Variants in NUP58 observed in about 807,000 individuals in gnomAD.
NUP58 encodes nucleoporin p58/p45.
A neutral mutation model predicts 70.1 loss-of-function variants in NUP58; 17 were observed. The observed-to-expected ratio is 0.24, with a 90% confidence interval of 0.17 to 0.36. The LOEUF (loss-of-function observed/expected upper bound fraction) is 0.36. Among genes scored for constraint, NUP58 ranks in the 10% least tolerant of loss-of-function variants. NUP58 has a pLI of 1.00. For missense variants in NUP58, 644 were observed against 701.5 expected (o/e 0.92, Z 0.93); for synonymous variants, 275 against 257.6 (o/e 1.07, Z -0.65).
At chr13:25,306,949 C>G (rs1161133007) in intron 1 of NUP58, among the ~76,000 whole-genome samples, 1 of 152,024 alleles carries the variant, frequency 6.6e-6, no homozygotes, top group Admixed American at 6.6e-5. Flanking sequence ...AGGAAATGTC[C>G]CCACTAGTTT....
intron 3 of NUP58, among the ~76,000 whole-genome samples, chr13:25,348,731 C>G (rs2032076649): frequency 6.6e-6 from 1 of 152,164 alleles, no homozygotes; most frequent in Admixed American, 6.5e-5. Flanking sequence ...CTTTTTGCCT[C>G]TTATATCAAT....
chr13:25,320,641 G>T, intron 8 of NUP58, 46 bp downstream of exon 8: 1 of 1,373,286 alleles, frequency 7.3e-7, no homozygotes, highest in Admixed American at 1.8e-5. Flanking sequence ...AAGAATTCTA[G>T]AATACTTCTT....
At chr13:25,309,206 C>T in intron 2 of NUP58, 41 bp from the exon 3 acceptor site, 2 of 1,474,014 alleles carry the variant, frequency 1.4e-6, no homozygotes, top group Non-Finnish European at 1.9e-6. Context: ...AGAATGTCAT[C>T]TTCATTGATG....
At chr13:25,314,199 C>T (rs1285672452) in intron 5 of NUP58, among the ~76,000 whole-genome samples, 4 of 151,998 alleles carry the variant, frequency 2.6e-5, no homozygotes, top group African/African-American at 9.7e-5. Flanking sequence ...TCCCAAAGTG[C>T]TGAGATTACA....
intron 3 of NUP58, among the ~76,000 whole-genome samples, chr13:25,347,821 C>T (rs1248050884): frequency 2.0e-5 from 3 of 152,124 alleles, no homozygotes; most frequent in Non-Finnish European, 4.4e-5. Flanking sequence ...AAACAAGGAT[C>T]GATCTAAAGA....
At position 25,340,232 on chromosome 13, in the gene NUP58, T is replaced by A. The variant is rs2031913124; in HGVS notation, c.*98T>A. 2 of 1,158,942 alleles carry A rather than the reference T, an allele frequency of 1.7e-6. No homozygotes were observed. Among genetic ancestry groups the A allele is most frequent in the African/African-American group, 1.6e-5 (1 of 62,194 alleles). The allele number at this position is 1,158,942 out of a possible 1,614,324, so 71.8% of individuals were successfully genotyped here. On this transcript the variant is annotated 3_prime_UTR_variant, in exon 16 of 16. Coordinates refer to ENST00000381736, the MANE Select transcript of NUP58 (RefSeq NM_014089.4). ...GTAATTAAATTGCATCCCAGGAGAT[T>A]TATAAAGTTTTGATATTTTTCCCTA...
At chr13:25,329,325 T>C (rs563172655) in intron 12 of NUP58, among the ~76,000 whole-genome samples, 2 of 152,320 alleles carry the variant, frequency 1.3e-5, no homozygotes, top group African/African-American at 4.8e-5. Context: ...AGATGCTTTT[T>C]TTCCCCCCAC....
chr13:25,306,029 T>G (rs1210184613), intron 1 of NUP58, among the ~76,000 whole-genome samples: 1 of 152,130 alleles, frequency 6.6e-6, no homozygotes, highest in East Asian at 1.9e-4. Context: ...TTAGTTAAAT[T>G]TATAAGTATC....
chr13:25,321,810 C>G (rs755945965), intron 9 of NUP58, among the ~76,000 whole-genome samples: 21 of 151,896 alleles, frequency 1.4e-4, no homozygotes, highest in Non-Finnish European at 2.4e-4. Context: ...CCAGCTATTC[C>G]GGAGGCTGAG....
intron 13 of NUP58, chr13:25,334,289 G>GT (rs745638885): frequency 1.1e-5 from 11 of 985,150 alleles, no homozygotes; most frequent in Admixed American, 6.2e-5. Context: ...TTTAGGATAG[G>GT]TTTTTTAGCA....
chr13:25,321,124 G>C, intron 9 of NUP58, 31 bp downstream of exon 9: 1 of 1,534,974 alleles, frequency 6.5e-7, no homozygotes, highest in Non-Finnish European at 8.7e-7. Context: ...TTTACCGTAG[G>C]GTTTTTTTGT....
rs1294213545 is a variant in NUP58 at position 25,341,712 on chromosome 13, T to G, written c.*1578T>G. ...AAAACCCTTGGAAAGAGAACTGCCT[T>G]AGCCATGATTTCGTTAGTAGACCTA... On this transcript the variant is annotated 3_prime_UTR_variant, in exon 16 of 16. Transcript: ENST00000381736. 6.6e-6 allele frequency: 1 copy of G among 152,616 alleles called. No individual in the cohort carries two copies. The highest frequency in any genetic ancestry group is 1.5e-5 in the Non-Finnish European group (1 of 68,010). The allele number at this position is 152,616 out of a possible 1,614,324, so 9.5% of individuals were successfully genotyped here.
chr13:25,335,880 A>G (rs1479703609), intron 13 of NUP58: 19 of 1,069,808 alleles, frequency 1.8e-5, no homozygotes, highest in Non-Finnish European at 2.2e-5. Context: ...TGAAAAAGAC[A>G]ATACTGAAGA....
intron 2 of NUP58, 27 bp from the exon 3 acceptor site, chr13:25,309,220 A>G: frequency 1.9e-6 from 3 of 1,558,392 alleles, no homozygotes; most frequent in African/African-American, 1.4e-5. Flanking sequence ...ATTGATGATT[A>G]AATTTTATTT....
In NUP58 at chr13:25,301,752, C is replaced by T; in HGVS notation, c.-22C>T. 5.9e-6 allele frequency: 9 copies of T among 1,528,058 alleles called. No individual in the cohort carries two copies. Among genetic ancestry groups the T allele is most frequent in the Non-Finnish European group, 8.1e-6 (9 of 1,115,260 alleles). 94.7% of individuals were successfully genotyped at this position (1,528,058 alleles called of 1,614,324 possible). A position where few individuals can be genotyped will look rare whatever the true frequency, so the allele number is the denominator to read the frequency against. On this transcript the variant is annotated 5_prime_UTR_variant, in exon 1 of 16. The change creates a new upstream start codon in the 5' untranslated region. Transcript: ENST00000381736. ...TCCCAGACCCATTTCGCCTTGCTGA[C>T]GGCGTCGAGCCCTGGCCAGACATGT...
intron 1 of NUP58, among the ~76,000 whole-genome samples, chr13:25,305,154 T>G (rs200566916): frequency 1.2e-4 from 5 of 43,248 alleles, no homozygotes; most frequent in South Asian, 5.4e-4. Flanking sequence ...TTTTTTTTTT[T>G]TTTTTTTGAG....
chr13:25,306,313 G>T lies in NUP58; in HGVS notation c.108-1493G>T, dbSNP rs557517048. 9.1e-4 allele frequency among the ~76,000 whole-genome samples: 137 copies of T among 150,942 alleles called. 1 individual carries two copies. Among genetic ancestry groups the T allele is most frequent in the African/African-American group, 3.3e-3 (133 of 40,910 alleles). On this transcript the variant is annotated intron_variant, in intron 1 of 15. Coordinates refer to ENST00000381736, the MANE Select transcript of NUP58 (RefSeq NM_014089.4). Reference sequence around the variant, plus strand: ...TGAGCTACTCCGGAGGCTGAGGTAGGAGAATGGGGTGAACCCGGGAGCCGG... The same window carrying T: ...TGAGCTACTCCGGAGGCTGAGGTAGTAGAATGGGGTGAACCCGGGAGCCGG...
chr13:25,344,293 G>C (rs2032023464), downstream of NUP58, among the ~76,000 whole-genome samples: 1 of 152,152 alleles, frequency 6.6e-6, no homozygotes, highest in African/African-American at 2.4e-5. Context: ...GACCATGTGT[G>C]ATTTTAAGCA....
chr13:25,320,253 A>C (rs2031124665), intron 7 of NUP58: 1 of 236,320 alleles, frequency 4.2e-6, no homozygotes, highest in Admixed American at 5.7e-5. Context: ...TTTTTTTGTT[A>C]GACATTTAGT....
Sources: allele counts gnomAD v4.1 joint callset (sites outside exome capture counted in the v4.1 genomes callset), GRCh38; gene constraint gnomAD v4.1.1; transcripts MANE v1.5; gene names NCBI Gene and HGNC (gene_info 2026-07-23, HGNC 2026-07-21).